CACNA2D3: variants seen among roughly 807,000 people sequenced by gnomAD.
CACNA2D3 encodes the protein calcium voltage-gated channel auxiliary subunit alpha2delta 3.
Under a neutral mutation model 160.6 loss-of-function variants are expected in CACNA2D3, and 60 were observed. The ratio of observed to expected loss-of-function variants is 0.37; its 90% CI spans 0.30 to 0.46. The LOEUF is 0.46. Ranked by LOEUF, CACNA2D3 falls within the 20% of genes least tolerant of loss-of-function variation. The pLI, the probability that CACNA2D3 is intolerant of heterozygous loss-of-function variation, is 1.00. For synonymous variants in CACNA2D3, 558 were observed against 492.9 expected, an observed-to-expected ratio of 1.13 and a Z score of -1.75; for missense variants, 1,205 against 1,365.0, an observed-to-expected ratio of 0.88 and a Z score of 1.85.
intron 9 of CACNA2D3, among the ~76,000 whole-genome samples, chr3:54,612,053 G>T (rs769785649): frequency 3.8e-4 from 58 of 152,162 alleles, no homozygotes; most frequent in Non-Finnish European, 6.8e-4. Context: ...CACCAGTTCT[G>T]TTCATTCTAC....
chr3:54,123,342 G>A (rs2107240538), intron 1 of CACNA2D3, 171 bp from the exon 2 acceptor site: 1 of 613,820 alleles, frequency 1.6e-6, no homozygotes, highest in Non-Finnish European at 2.9e-6. Context: ...GCGCTTTGCA[G>A]TTTTGGTGCT....
At chr3:54,733,692 G>A (rs1048856993) in intron 11 of CACNA2D3, among the ~76,000 whole-genome samples, 1 of 152,128 alleles carries the variant, frequency 6.6e-6, no homozygotes, top group African/African-American at 2.4e-5. Flanking sequence ...ACACATGCAT[G>A]TTGTTGGGGT....
chr3:54,846,815 C>A (rs570662304), intron 17 of CACNA2D3, among the ~76,000 whole-genome samples: 2 of 152,314 alleles, frequency 1.3e-5, no homozygotes, highest in African/African-American at 4.8e-5. Flanking sequence ...GACACTCATA[C>A]TCCAGCTCTA....
chr3:54,459,481 G>A (rs1214452294), intron 4 of CACNA2D3, among the ~76,000 whole-genome samples: 3 of 150,982 alleles, frequency 2.0e-5, no homozygotes, highest in African/African-American at 4.9e-5. Flanking sequence ...GTGTGAGATG[G>A]TATCTCATTG....
chr3:54,925,470 T>C (rs1206055112), intron 27 of CACNA2D3, among the ~76,000 whole-genome samples: 2 of 152,234 alleles, frequency 1.3e-5, no homozygotes, highest in Non-Finnish European at 2.9e-5. Context: ...CAGTGTCTTC[T>C]GATTCGGAAG....
At chr3:54,603,962 C>T (rs1035067257) in intron 9 of CACNA2D3, among the ~76,000 whole-genome samples, 1 of 152,058 alleles carries the variant, frequency 6.6e-6, no homozygotes, top group African/African-American at 2.4e-5. Flanking sequence ...AAATATCCTA[C>T]TGTATTTTAG....
At chr3:54,579,507 C>G (rs1040805485) in intron 8 of CACNA2D3, among the ~76,000 whole-genome samples, 3 of 152,242 alleles carry the variant, frequency 2.0e-5, no homozygotes, top group Admixed American at 6.5e-5. Flanking sequence ...GCCCATCAAA[C>G]TTTCCCTTAT....
chr3:54,926,692 G>T (rs1380370767), intron 27 of CACNA2D3, among the ~76,000 whole-genome samples: 1 of 152,132 alleles, frequency 6.6e-6, no homozygotes, highest in Non-Finnish European at 1.5e-5. Context: ...TTTAACTGTT[G>T]TAGCATATTC....
At chr3:54,365,248 G>T (rs1411305676) in intron 3 of CACNA2D3, among the ~76,000 whole-genome samples, 1 of 152,126 alleles carries the variant, frequency 6.6e-6, no homozygotes, top group Non-Finnish European at 1.5e-5. Flanking sequence ...GTGACTTCTG[G>T]GCTCAAGACG....
At chr3:54,184,581 C>G (rs188464218) in intron 2 of CACNA2D3, among the ~76,000 whole-genome samples, 2 of 152,338 alleles carry the variant, frequency 1.3e-5, no homozygotes, top group East Asian at 3.9e-4. Flanking sequence ...CCTACCTCAT[C>G]TTTCCCTTGC....
intron 23 of CACNA2D3, among the ~76,000 whole-genome samples, chr3:54,886,088 C>T (rs1460605095): frequency 1.3e-5 from 2 of 152,026 alleles, no homozygotes; most frequent in Non-Finnish European, 2.9e-5. Context: ...TAGGAAATCT[C>T]TCAGCTGGTG....
At chr3:54,267,265 A>G (rs909997883) in intron 2 of CACNA2D3, among the ~76,000 whole-genome samples, 16 of 152,216 alleles carry the variant, frequency 1.1e-4, no homozygotes, top group Admixed American at 1.0e-3. Flanking sequence ...TATTTGAGGT[A>G]TGGAAAACAT....
intron 6 of CACNA2D3, 62 bp from the exon 7 acceptor site, chr3:54,569,733 T>G (rs1702464327): frequency 1.5e-6 from 2 of 1,336,764 alleles, no homozygotes; most frequent in Non-Finnish European, 2.1e-6. Context: ...AGAGCAGCCT[T>G]GAAATGCTAT....
chr3:54,725,815 G>T (rs913688129), intron 11 of CACNA2D3, among the ~76,000 whole-genome samples: 1 of 152,124 alleles, frequency 6.6e-6, no homozygotes, highest in Non-Finnish European at 1.5e-5. Flanking sequence ...CATACTGAAT[G>T]GGCAAAAACT....
intron 4 of CACNA2D3, among the ~76,000 whole-genome samples, chr3:54,452,851 C>T (rs1041769461): frequency 3.9e-5 from 6 of 152,128 alleles, no homozygotes; most frequent in Non-Finnish European, 8.8e-5. Flanking sequence ...TGCTGGCTGT[C>T]CTTGGCATGC....
At chr3:54,251,404 A>G (rs1702187704) in intron 2 of CACNA2D3, among the ~76,000 whole-genome samples, 1 of 152,266 alleles carries the variant, frequency 6.6e-6, no homozygotes, top group East Asian at 1.9e-4. Context: ...ACAGATAACA[A>G]GTATATCTGT....
chr3:54,168,844 T>G (rs1024325354), intron 2 of CACNA2D3, among the ~76,000 whole-genome samples: 6 of 152,232 alleles, frequency 3.9e-5, no homozygotes, highest in Admixed American at 2.6e-4. Context: ...CAATATTTAG[T>G]GCCAGGAAAG....
At position 54,297,174 on chromosome 3, in the gene CACNA2D3, A is replaced by G. The variant is rs116576021; in HGVS notation, c.205-23268A>G. Among the ~76,000 whole-genome samples the G allele has an allele frequency of 4.7e-3, 713 of 152,316 alleles. 9 individuals are homozygous for G. The highest frequency in any genetic ancestry group is 0.016 in the African/African-American group (681 of 41,564). On this transcript the variant is annotated intron_variant, in intron 2 of 37. Coordinates refer to ENST00000474759, the MANE Select transcript of CACNA2D3 (RefSeq NM_018398.3). Reference sequence around the variant, plus strand: ...TCTGTGACCTTGGGCAAAGCCTGCCATTCCCTGTAGCCCCAGGTTGTGCTT... The same window carrying G: ...TCTGTGACCTTGGGCAAAGCCTGCCGTTCCCTGTAGCCCCAGGTTGTGCTT...
chr3:54,453,895 C>T (rs545450257), intron 4 of CACNA2D3, among the ~76,000 whole-genome samples: 7 of 152,280 alleles, frequency 4.6e-5, no homozygotes, highest in Admixed American at 2.0e-4. Context: ...GTGGTTTATG[C>T]ATAAGTCACA....
Sources: allele counts gnomAD v4.1 joint callset (sites outside exome capture counted in the v4.1 genomes callset), GRCh38; gene constraint gnomAD v4.1.1; transcripts MANE v1.5; gene names NCBI Gene and HGNC (gene_info 2026-07-23, HGNC 2026-07-21).